Variants in CHODL observed in about 807,000 individuals in gnomAD.
CHODL encodes the protein transmembrane protein MT75.
A neutral mutation model predicts 34.5 loss-of-function variants in CHODL; 29 were observed. The observed-to-expected ratio is 0.84, with a 90% CI of 0.63 to 1.15. The LOEUF is 1.15. CHODL is among the 50% of genes most tolerant of loss of function. The pLI is 0.00. For synonymous variants in CHODL, 125 were observed against 116.1 expected, an observed-to-expected ratio of 1.08 and a Z score of -0.49; for missense variants, 332 against 332.5, an observed-to-expected ratio of 1.00 and a Z score of 0.01.
intron 1 of CHODL, among the ~76,000 whole-genome samples, chr21:17,948,976 G>A (rs983472212): frequency 6.6e-6 from 1 of 152,096 alleles, no homozygotes; most frequent in African/African-American, 2.4e-5. Context: ...GGCAGTCATG[G>A]GATACATGTA....
intron 2 of CHODL, among the ~76,000 whole-genome samples, chr21:18,071,509 T>TG (rs1568870859): frequency 6.6e-6 from 1 of 152,054 alleles, no homozygotes. Context: ...ACCCTCTACA[T>TG]GATTCCCTAT....
chr21:18,227,669 G>A (rs2073942890), intron 2 of CHODL, among the ~76,000 whole-genome samples: 1 of 152,076 alleles, frequency 6.6e-6, no homozygotes, highest in African/African-American at 2.4e-5. Flanking sequence ...CAGGTCTTGG[G>A]TGCCTCATGG....
intron 2 of CHODL, among the ~76,000 whole-genome samples, chr21:18,066,465 C>G (rs545919731): frequency 6.6e-6 from 1 of 152,044 alleles, no homozygotes; most frequent in Admixed American, 6.6e-5. Context: ...GTGAGAGATC[C>G]CACTCCGTTT....
chr21:18,225,712 A>C (rs1000031128), intron 2 of CHODL, among the ~76,000 whole-genome samples: 1 of 152,132 alleles, frequency 6.6e-6, no homozygotes, highest in Non-Finnish European at 1.5e-5. Flanking sequence ...CTTATAATAT[A>C]TCTAAAAGAA....
chr21:18,166,459 A>T (rs1464187233), intron 2 of CHODL, among the ~76,000 whole-genome samples: 2 of 152,090 alleles, frequency 1.3e-5, no homozygotes, highest in African/African-American at 4.8e-5. Context: ...TTTTGACTAC[A>T]CTCAAAGGGA....
chr21:18,088,170 A>G (rs1258166647), intron 2 of CHODL, among the ~76,000 whole-genome samples: 1 of 152,158 alleles, frequency 6.6e-6, no homozygotes, highest in Non-Finnish European at 1.5e-5. Flanking sequence ...GCCAAACCAT[A>G]TCAGCCTGGT....
At chr21:18,182,284 C>A (rs1375746636) in intron 2 of CHODL, among the ~76,000 whole-genome samples, 4 of 152,090 alleles carry the variant, frequency 2.6e-5, no homozygotes, top group Non-Finnish European at 5.9e-5. Context: ...GATGATCATC[C>A]ATGGCTGTAT....
At position 17,935,484 on chromosome 21, in the gene CHODL, C is replaced by G. The variant is rs1434944262; in HGVS notation, c.-145+18084C>G. On this transcript the variant is annotated intron_variant, in intron 1 of 6. Coordinates refer to the CHODL transcript ENST00000400127. ...AGCACACTCTGATTAGGGGATGACT[C>G]TCTTCTGGTGTGCGTTTAGACAAAT... is the stretch of plus-strand genomic sequence containing the variant. Among the ~76,000 whole-genome samples, 2 of 152,178 alleles carry G rather than the reference C, an allele frequency of 1.3e-5. 1 individual carries two copies. Among genetic ancestry groups the G allele is most frequent in the Non-Finnish European group, 2.9e-5 (2 of 68,038 alleles).
intron 2 of CHODL, among the ~76,000 whole-genome samples, chr21:18,028,698 T>TAA (rs34588468): frequency 9.0e-4 from 77 of 85,228 alleles, no homozygotes; most frequent in African/African-American, 2.8e-3. Context: ...AAACTCCATC[T>TAA]AAAAAAAAAA....
At position 18,266,969 on chromosome 21, in the gene CHODL, T is replaced by G. The variant is rs2074471080; in HGVS notation, c.*931T>G. 6.6e-6 allele frequency: 1 copy of G among 152,134 alleles called. No homozygotes were observed. Among genetic ancestry groups the G allele is most frequent in the African/African-American group, 2.4e-5 (1 of 41,418 alleles). 9.4% of individuals were successfully genotyped at this position (152,134 alleles called of 1,614,324 possible). On this transcript the variant is annotated 3_prime_UTR_variant, in exon 6 of 6. Transcript: ENST00000299295. ...TCTCTTGCCCACTAAACAAAGATGG[T>G]TGTTCGGGGTTTGGGATTGACACTG... is the stretch of plus-strand genomic sequence containing the variant.
intron 2 of CHODL, among the ~76,000 whole-genome samples, chr21:18,123,095 C>CT (rs1236997657): frequency 6.6e-6 from 1 of 152,162 alleles, no homozygotes; most frequent in African/African-American, 2.4e-5. Flanking sequence ...CACAAGACTG[C>CT]TTATGGGAGT....
intron 2 of CHODL, among the ~76,000 whole-genome samples, chr21:18,151,152 T>A (rs924831805): frequency 6.6e-6 from 1 of 151,478 alleles, no homozygotes; most frequent in Non-Finnish European, 1.5e-5. Context: ...GTCATAAGAT[T>A]CCCCATTTCA....
At chr21:18,174,123 G>GTATA (rs1159511070) in intron 2 of CHODL, among the ~76,000 whole-genome samples, 384 of 21,440 alleles carry the variant, frequency 0.018, 9 homozygotes, top group Admixed American at 0.072. Flanking sequence ...ATATCTTGGT[G>GTATA]TATATATATA....
intron 1 of CHODL, among the ~76,000 whole-genome samples, chr21:17,995,402 G>T (rs1276432471): frequency 3.3e-5 from 5 of 152,200 alleles, no homozygotes; most frequent in Non-Finnish European, 7.3e-5. Flanking sequence ...AAAATGGGGA[G>T]TGCTTTCTCA....
At chr21:18,010,338 AAAAAG>A (rs2064007133) in intron 1 of CHODL, among the ~76,000 whole-genome samples, 1 of 151,158 alleles carries the variant, frequency 6.6e-6, no homozygotes, top group African/African-American at 2.4e-5. Flanking sequence ...AAAAGGAAAA[AAAAAG>A]AAAACTGGTT....
At chr21:18,235,820 G>A (rs78476535) in intron 2 of CHODL, among the ~76,000 whole-genome samples, 1 of 152,214 alleles carries the variant, frequency 6.6e-6, no homozygotes, top group East Asian at 1.9e-4. Flanking sequence ...TTCATATTTA[G>A]CTAAATTGTA....
chr21:18,179,406 T>C (rs2824686), intron 2 of CHODL, among the ~76,000 whole-genome samples: 20,800 of 152,234 alleles, frequency 0.14, 1,900 homozygotes, highest in African/African-American at 0.25. Context: ...ATGTGGTTTC[T>C]GGTTTCAGAT....
intron 2 of CHODL, among the ~76,000 whole-genome samples, chr21:18,100,422 T>C (rs2065198979): frequency 6.6e-6 from 1 of 152,052 alleles, no homozygotes; most frequent in Non-Finnish European, 1.5e-5. Context: ...ATAACTAGAC[T>C]GGGTGGTTAG....
intron 2 of CHODL, among the ~76,000 whole-genome samples, chr21:18,040,560 T>C (rs1362880326): frequency 6.6e-6 from 1 of 151,882 alleles, no homozygotes; most frequent in Non-Finnish European, 1.5e-5. Context: ...AAATGGTATA[T>C]TTGCTGATAC....
Sources: gnomAD v4.1 joint callset for allele counts (sites outside exome capture counted in the v4.1 genomes callset) on GRCh38, gnomAD v4.1.1 for gene constraint, MANE v1.5 for transcripts, NCBI Gene and HGNC (gene_info 2026-07-23, HGNC 2026-07-21) for gene names.